THSD7B: variants seen among roughly 807,000 people sequenced by gnomAD.
THSD7B encodes the protein thrombospondin type 1 domain containing 7B.
In THSD7B, 138 loss-of-function variants were observed where a neutral mutation model predicts 213.6. The observed-to-expected ratio is 0.65, with a 90% CI of 0.56 to 0.74. The LOEUF (loss-of-function observed/expected upper bound fraction) is 0.74, where lower values mean the gene tolerates loss of function less well. Among genes scored for constraint, THSD7B ranks in the 30% least tolerant of loss-of-function variants. THSD7B has a pLI of 0.00. For missense variants in THSD7B, 1,931 were observed against 1,991.5 expected, an observed-to-expected ratio of 0.97 and a Z score of 0.58; for synonymous variants, 742 against 687.0, an observed-to-expected ratio of 1.08 and a Z score of -1.25.
At chr2:137,528,419 G>A (rs1241990092) in intron 15 of THSD7B, among the ~76,000 whole-genome samples, 1 of 151,988 alleles carries the variant, frequency 6.6e-6, no homozygotes, top group African/African-American at 2.4e-5. Context: ...TTTTTATGAG[G>A]CGCATGTGGG....
intron 2 of THSD7B, among the ~76,000 whole-genome samples, chr2:136,967,397 A>C (rs1186064759): frequency 6.6e-6 from 1 of 152,156 alleles, no homozygotes; most frequent in East Asian, 1.9e-4. Context: ...TATTATATCC[A>C]GTCATTTGCC....
chr2:137,471,348 A>G (rs1688091850), intron 15 of THSD7B, among the ~76,000 whole-genome samples: 1 of 152,204 alleles, frequency 6.6e-6, no homozygotes. Context: ...AAAACAAGCC[A>G]ACAAACTGTT....
At chr2:136,942,551 G>A (rs1684846842) in intron 2 of THSD7B, among the ~76,000 whole-genome samples, 1 of 152,144 alleles carries the variant, frequency 6.6e-6, no homozygotes, top group African/African-American at 2.4e-5. Flanking sequence ...AGTTCTCCTT[G>A]AAGAGGTCCT....
chr2:137,617,267 T>A (rs116058018), intron 18 of THSD7B, among the ~76,000 whole-genome samples: 2,561 of 152,324 alleles, frequency 0.017, 35 homozygotes, highest in Middle Eastern at 0.031. Flanking sequence ...TTACTATACA[T>A]GGGTTTGCTA....
intron 17 of THSD7B, among the ~76,000 whole-genome samples, chr2:137,584,303 C>T (rs1681659489): frequency 1.3e-5 from 2 of 152,160 alleles, no homozygotes; most frequent in South Asian, 2.1e-4. Context: ...ATTTGACTTC[C>T]TCTTTTCCTA....
chr2:137,217,922 G>A (rs1030363195), intron 7 of THSD7B, among the ~76,000 whole-genome samples: 14 of 152,158 alleles, frequency 9.2e-5, no homozygotes, highest in African/African-American at 3.4e-4. Context: ...CATTTGTTAT[G>A]TCTCAGGAAA....
At chr2:137,535,902 C>G (rs1680496552) in intron 15 of THSD7B, among the ~76,000 whole-genome samples, 1 of 151,284 alleles carries the variant, frequency 6.6e-6, no homozygotes, top group Non-Finnish European at 1.5e-5. Flanking sequence ...CAGACGTTCT[C>G]TTGTCATGGA....
At chr2:137,385,074 A>C (rs552707316) in intron 12 of THSD7B, among the ~76,000 whole-genome samples, 1 of 152,096 alleles carries the variant, frequency 6.6e-6, no homozygotes, top group African/African-American at 2.4e-5. Context: ...AGCTTCAAAG[A>C]ATTTTCCTGC....
chr2:136,929,302 T>C (rs1267135961), intron 2 of THSD7B, among the ~76,000 whole-genome samples: 1 of 152,194 alleles, frequency 6.6e-6, no homozygotes, highest in Non-Finnish European at 1.5e-5. Context: ...AATTTAGTTT[T>C]GAGACACTTA....
intron 2 of THSD7B, among the ~76,000 whole-genome samples, chr2:137,025,683 A>G (rs1304971528): frequency 1.3e-5 from 2 of 152,120 alleles, no homozygotes. Flanking sequence ...GTGTGTGGGA[A>G]GCATTCTCAC....
At chr2:137,506,846 A>C (rs140852828) in intron 15 of THSD7B, among the ~76,000 whole-genome samples, 23 of 152,328 alleles carry the variant, frequency 1.5e-4, no homozygotes, top group African/African-American at 5.1e-4. Context: ...AATAGTAAAA[A>C]TATCTGAATC....
At chr2:137,425,086 TA>T (rs1186676261) in intron 14 of THSD7B, among the ~76,000 whole-genome samples, 1 of 99,494 alleles carries the variant, frequency 1.0e-5, no homozygotes, top group African/African-American at 3.3e-5. Flanking sequence ...ATAATAATAA[TA>T]ATAATAATAA....
At chr2:137,517,083 GT>G (rs1478578166) in intron 15 of THSD7B, among the ~76,000 whole-genome samples, 3 of 152,234 alleles carry the variant, frequency 2.0e-5, no homozygotes, top group African/African-American at 4.8e-5. Flanking sequence ...CCTGGTACCC[GT>G]TATGCAGCCA....
chr2:137,172,918 T>G (rs1174534755), intron 7 of THSD7B, among the ~76,000 whole-genome samples: 1 of 152,088 alleles, frequency 6.6e-6, no homozygotes, highest in Non-Finnish European at 1.5e-5. Context: ...GAGTTTGGAG[T>G]AAGAAGTGAA....
intron 17 of THSD7B, among the ~76,000 whole-genome samples, chr2:137,581,558 C>A (rs1391518745): frequency 6.6e-6 from 1 of 151,946 alleles, no homozygotes; most frequent in Non-Finnish European, 1.5e-5. Context: ...CTGCAGTGAG[C>A]TGAGATAGCG....
At chr2:137,407,764 C>T (rs936039836) in intron 13 of THSD7B, among the ~76,000 whole-genome samples, 6 of 151,948 alleles carry the variant, frequency 3.9e-5, no homozygotes, top group Admixed American at 3.3e-4. Flanking sequence ...TTTCTTTTGT[C>T]CATTTGTAAC....
chr2:137,206,341 T>A (rs1680983364), intron 7 of THSD7B, among the ~76,000 whole-genome samples: 1 of 152,068 alleles, frequency 6.6e-6, no homozygotes, highest in Non-Finnish European at 1.5e-5. Flanking sequence ...ATGGAAATGA[T>A]CTTGACTTTC....
chr2:137,159,023 C>A (rs1573859076), intron 5 of THSD7B, among the ~76,000 whole-genome samples: 2 of 152,226 alleles, frequency 1.3e-5, no homozygotes. Context: ...TTTGTCTGGT[C>A]CTTTAGAGTG....
At chr2:137,258,868 T>G (rs1682372152) in intron 10 of THSD7B, among the ~76,000 whole-genome samples, 1 of 151,106 alleles carries the variant, frequency 6.6e-6, no homozygotes, top group Admixed American at 6.6e-5. Context: ...CTGAAGCGTG[T>G]TGTTCCCTCC....
Sources: gnomAD v4.1 joint callset for allele counts (sites outside exome capture counted in the v4.1 genomes callset) on GRCh38, gnomAD v4.1.1 for gene constraint, MANE v1.5 for transcripts, NCBI Gene and HGNC (gene_info 2026-07-23, HGNC 2026-07-21) for gene names.